CDH11: variants seen among roughly 807,000 people sequenced by gnomAD.
CDH11 encodes cadherin 11, also known as cadherin-11.
Under a neutral mutation model 67.8 loss-of-function variants are expected in CDH11, and 11 were observed. The ratio of observed to expected loss-of-function variants is 0.16; its 90% CI spans 0.10 to 0.27. CDH11 has a LOEUF of 0.27. Ranked by LOEUF, CDH11 falls within the 10% of genes least tolerant of loss-of-function variation. The probability of loss-of-function intolerance (pLI) is 1.00; values close to 1 mark genes in which losing one functional copy is unlikely to be tolerated. For missense variants in CDH11, 847 were observed against 1,031.2 expected, an observed-to-expected ratio of 0.82 and a Z score of 2.45; for synonymous variants, 419 against 400.0, an observed-to-expected ratio of 1.05 and a Z score of -0.57.
intron 1 of CDH11, among the ~76,000 whole-genome samples, chr16:65,110,841 G>T (rs139069051): frequency 6.6e-6 from 1 of 152,092 alleles, no homozygotes; most frequent in African/African-American, 2.4e-5. Flanking sequence ...CTAAACATAG[G>T]AAGGTGGTTC....
At chr16:65,067,126 C>T (rs1055898944) in intron 1 of CDH11, among the ~76,000 whole-genome samples, 1 of 150,758 alleles carries the variant, frequency 6.6e-6, no homozygotes, top group Non-Finnish European at 1.5e-5. Flanking sequence ...TTTATCCATT[C>T]TATATGTTTT....
intron 1 of CDH11, 80 bp from the exon 2 acceptor site, chr16:65,054,008 T>A (rs750664494): frequency 1.9e-5 from 8 of 415,298 alleles, no homozygotes; most frequent in Middle Eastern, 3.4e-4. Context: ...CACAGTTGCA[T>A]ATGACAGACT....
At chr16:64,999,747 C>A (rs1034830531) in intron 3 of CDH11, among the ~76,000 whole-genome samples, 30 of 152,100 alleles carry the variant, frequency 2.0e-4, no homozygotes, top group African/African-American at 6.3e-4. Context: ...GTTTCCCAGG[C>A]TGGTCTCGAA....
chr16:65,054,942 C>T (rs760971658), intron 1 of CDH11, among the ~76,000 whole-genome samples: 1 of 152,138 alleles, frequency 6.6e-6, no homozygotes, highest in Non-Finnish European at 1.5e-5. Flanking sequence ...AAACAAAAGC[C>T]CTTTTTAGTG....
intron 1 of CDH11, among the ~76,000 whole-genome samples, chr16:65,077,289 T>G (rs1024218002): frequency 6.6e-6 from 1 of 152,222 alleles, no homozygotes; most frequent in Non-Finnish European, 1.5e-5. Flanking sequence ...TATAAGCATC[T>G]TTACTGATGA....
At chr16:64,962,443 A>G (rs74026209) in intron 11 of CDH11, among the ~76,000 whole-genome samples, 2,038 of 152,260 alleles carry the variant, frequency 0.013, 44 homozygotes, top group African/African-American at 0.046. Context: ...GGAACCAACA[A>G]GCAAAAACTT....
At chr16:64,956,337 C>T (rs1329450748) in intron 11 of CDH11, among the ~76,000 whole-genome samples, 1 of 150,482 alleles carries the variant, frequency 6.6e-6, no homozygotes, top group African/African-American at 2.5e-5. Context: ...TAATTCTTTT[C>T]TGGAAGTTCT....
At chr16:65,027,601 A>G (rs2142604462) in intron 2 of CDH11, among the ~76,000 whole-genome samples, 1 of 152,364 alleles carries the variant, frequency 6.6e-6, no homozygotes, top group East Asian at 1.9e-4. Context: ...ACTGTAAACC[A>G]TGAACTTGGG....
At chr16:65,002,628 A>G (rs958353737) in intron 3 of CDH11, among the ~76,000 whole-genome samples, 1 of 152,252 alleles carries the variant, frequency 6.6e-6, no homozygotes, top group African/African-American at 2.4e-5. Context: ...ACACAATGTC[A>G]TTGAGATTCT....
At chr16:65,089,117 G>C (rs888264199) in intron 1 of CDH11, among the ~76,000 whole-genome samples, 2 of 152,056 alleles carry the variant, frequency 1.3e-5, no homozygotes, top group African/African-American at 2.4e-5. Flanking sequence ...GTAATATGCT[G>C]TTCAAATATA....
At position 64,947,639 on chromosome 16, in the gene CDH11, C is replaced by T. The variant is rs772642737; in HGVS notation, c.2355G>A (p.Leu785=). 12 of 1,613,864 alleles carry T rather than the reference C, an allele frequency of 7.4e-6. No individual in the cohort carries two copies. Among genetic ancestry groups the T allele is most frequent in the South Asian group, 4.4e-5 (4 of 91,082 alleles). The change falls in exon 13 of 13, where the codon TTG becomes TTA. Residue 785 remains leucine, a synonymous_variant. Coordinates refer to ENST00000268603, the MANE Select transcript of CDH11 (RefSeq NM_001797.4). ...WGPRFKKLAD[L]YGSKDTFDDD... Reference sequence around the variant, plus strand: ...CATCAAAAGTGTCTTTGGAACCATACAAATCTGCTAGTTTCTTAAAACGAG... The same window carrying T: ...CATCAAAAGTGTCTTTGGAACCATATAAATCTGCTAGTTTCTTAAAACGAG...
intron 2 of CDH11, among the ~76,000 whole-genome samples, chr16:65,034,099 T>C (rs1017159421): frequency 1.3e-5 from 2 of 152,194 alleles, no homozygotes; most frequent in African/African-American, 4.8e-5. Flanking sequence ...TTAGGGTCTG[T>C]GCAGATGGCC....
At chr16:65,061,937 T>C (rs1416767773) in intron 1 of CDH11, among the ~76,000 whole-genome samples, 1 of 152,160 alleles carries the variant, frequency 6.6e-6, no homozygotes, top group East Asian at 1.9e-4. Flanking sequence ...ACTAGGAAAT[T>C]GGAGCACAAA....
intron 1 of CDH11, among the ~76,000 whole-genome samples, chr16:65,070,430 GT>G (rs2074396212): frequency 6.6e-6 from 1 of 152,114 alleles, no homozygotes. Context: ...GTAATTGAAC[GT>G]GTGACTTTGA....
chr16:65,101,445 C>T (rs142061589), intron 1 of CDH11, among the ~76,000 whole-genome samples: 1 of 152,308 alleles, frequency 6.6e-6, no homozygotes, highest in Non-Finnish European at 1.5e-5. Context: ...TCCAGGTCAT[C>T]AGTTTGGGAA....
chr16:65,115,505 A>G (rs190490456), intron 1 of CDH11, among the ~76,000 whole-genome samples: 1 of 152,208 alleles, frequency 6.6e-6, no homozygotes, highest in East Asian at 1.9e-4. Context: ...CCCAGCACAC[A>G]CTGAAGGCTC....
Position 64,945,845 on chromosome 16 carries a change from GA to G in CDH11, c.*1757del, listed in dbSNP as rs565226318. On this transcript the variant is annotated 3_prime_UTR_variant, in exon 13 of 13. Transcript: ENST00000268603. Reference sequence around the variant, plus strand: ...GAAACAAACTTTCACAATAAAGTCAGAAAAAAACTGTAAAAATTGTCTGCAA... The same window carrying G: ...GAAACAAACTTTCACAATAAAGTCAGAAAAAACTGTAAAAATTGTCTGCAA... 6.8e-4 allele frequency: 712 copies of G among 1,052,926 alleles called. 2 individuals carry two copies. The African/African-American group carries it at 8.6e-3, about 13-fold the overall frequency. 65.2% of individuals were successfully genotyped at this position (1,052,926 alleles called of 1,614,324 possible).
At chr16:64,965,771 AACACACACACACACACACACAC>A (rs55992835) in intron 11 of CDH11, among the ~76,000 whole-genome samples, 26 of 145,980 alleles carry the variant, frequency 1.8e-4, no homozygotes, top group South Asian at 1.1e-3. Flanking sequence ...CGGTGCATGA[AACACACACACACACACACACAC>A]ACACACACAC....
intron 8 of CDH11, chr16:64,981,097 C>CTTTTTTTTTTTTTTTT (rs71376752): frequency 1.0e-4 from 12 of 116,450 alleles, no homozygotes; most frequent in African/African-American, 3.1e-4. Flanking sequence ...TTCTTTCTTT[C>CTTTTTTTTTTTTTTTT]TTTTTTTTTT....
Sources: allele counts gnomAD v4.1 joint callset (sites outside exome capture counted in the v4.1 genomes callset), GRCh38; gene constraint gnomAD v4.1.1; transcripts MANE v1.5; gene names NCBI Gene and HGNC (gene_info 2026-07-23, HGNC 2026-07-21).